The following GPBP1 variants were observed in gnomAD, a reference collection of about 807,000 sequenced individuals.
The protein encoded by GPBP1 is vasculin.
A neutral mutation model predicts 56.5 loss-of-function variants in GPBP1; 13 were observed. The observed-to-expected ratio is 0.23, with a 90% CI of 0.15 to 0.37. The LOEUF (loss-of-function observed/expected upper bound fraction) is 0.37, where lower values mean the gene tolerates loss of function less well. Ranked by LOEUF, GPBP1 falls within the 10% of genes least tolerant of loss-of-function variation. The pLI is 1.00. For synonymous variants in GPBP1, 204 were observed against 188.9 expected (o/e 1.08, Z -0.66); for missense variants, 477 against 572.3 (o/e 0.83, Z 1.70).
intron 2 of GPBP1, among the ~76,000 whole-genome samples, chr5:57,203,571 G>A (rs1755107865): frequency 6.6e-6 from 1 of 152,172 alleles, no homozygotes; most frequent in Admixed American, 6.5e-5. Flanking sequence ...CTTGAACCCA[G>A]GAGTGGGATG....
intron 3 of GPBP1, among the ~76,000 whole-genome samples, chr5:57,224,017 T>C (rs1050683158): frequency 6.6e-6 from 1 of 151,604 alleles, no homozygotes; most frequent in Non-Finnish European, 1.5e-5. Flanking sequence ...GTATTTTTAG[T>C]AGAGACGGGG....
intron 2 of GPBP1, among the ~76,000 whole-genome samples, chr5:57,177,648 CTTTTTTTTTTTTTTT>C (rs58708281): frequency 6.1e-4 from 56 of 92,238 alleles, no homozygotes; most frequent in South Asian, 2.4e-3. Flanking sequence ...CAATTTTTGC[CTTTTTTTTTTTTTTT>C]TTTTTTTTTT....
chr5:57,201,424 C>T (rs1755018534), intron 2 of GPBP1, among the ~76,000 whole-genome samples: 1 of 151,786 alleles, frequency 6.6e-6, no homozygotes, highest in African/African-American at 2.4e-5. Context: ...TTCACTGTGT[C>T]ACCCAGGCTG....
intron 2 of GPBP1, among the ~76,000 whole-genome samples, chr5:57,213,021 C>G (rs1755556351): frequency 6.6e-6 from 1 of 151,820 alleles, no homozygotes; most frequent in African/African-American, 2.4e-5. Flanking sequence ...GATGTATCAT[C>G]AATTTAGTTG....
chr5:57,237,325 C>T lies in GPBP1; in HGVS notation c.478+1293C>T, dbSNP rs1438834012. 3.7e-5 allele frequency: 24 copies of T among 643,004 alleles called. No homozygotes were observed. The Middle Eastern group carries it at 1.2e-3, about 32-fold the overall frequency. 39.8% of individuals were successfully genotyped at this position (643,004 alleles called of 1,614,324 possible). ...TTTAAAAATCAAGAATGCCAGTGAG[C>T]GTTTGTCATATAAAACTATCTATAG... is the stretch of plus-strand genomic sequence containing the variant. On this transcript the variant is annotated intron_variant, in intron 6 of 11. Transcript: ENST00000506184.
intron 3 of GPBP1, 76 bp from the exon 4 acceptor site, chr5:57,230,769 GT>G: frequency 7.8e-7 from 1 of 1,282,016 alleles, no homozygotes. Context: ...TTGGAAATAA[GT>G]GAAGTTGGAG....
chr5:57,186,372 C>T lies in GPBP1; in HGVS notation c.-58+9972C>T, dbSNP rs556718019. On this transcript the variant is annotated intron_variant, in intron 2 of 11. Coordinates refer to ENST00000506184, the MANE Select transcript of GPBP1 (RefSeq NM_022913.4). ...CTGCACTCTGGTCTGGGTGACAGAG[C>T]GGGACCTTGCCTCTTTAAAAAAAAA... Among the ~76,000 whole-genome samples the T allele has an allele frequency of 3.4e-5, 5 of 149,174 alleles. No individual in the cohort carries two copies. The South Asian group carries it at 6.4e-4, about 19-fold the overall frequency.
intron 2 of GPBP1, among the ~76,000 whole-genome samples, chr5:57,188,715 C>T (rs575278115): frequency 5.9e-5 from 9 of 152,198 alleles, no homozygotes; most frequent in Middle Eastern, 3.4e-3. Context: ...TGCACTCCAG[C>T]CTGGGCGACA....
At position 57,246,338 on chromosome 5, in the gene GPBP1, C is replaced by T. The variant is rs755707330; in HGVS notation, c.517C>T (p.Leu173=). 5 of 1,613,462 alleles carry T rather than the reference C, an allele frequency of 3.1e-6. No individual in the cohort carries two copies. In the South Asian group the frequency reaches 5.5e-5, roughly 18 times the overall value. ...PNPKSRAPRM[L]VIKKGNTKDL... ...TCCTAAATCTAGAGCTCCAAGGATG[C>T]TGGTCATTAAGAAAGGTAATACAAA... The change falls in exon 7 of 12, where the codon CTG becomes TTG. Residue 173 remains leucine, a synonymous_variant. Coordinates refer to ENST00000506184, the MANE Select transcript of GPBP1 (RefSeq NM_022913.4).
intron 2 of GPBP1, among the ~76,000 whole-genome samples, chr5:57,211,595 T>TTGA (rs1382446106): frequency 2.0e-5 from 3 of 152,144 alleles, no homozygotes; most frequent in Non-Finnish European, 4.4e-5. Flanking sequence ...GTTGTTGTTG[T>TTGA]TGTTGTTGGA....
At chr5:57,188,473 G>A (rs1451494192) in intron 2 of GPBP1, among the ~76,000 whole-genome samples, 3 of 152,162 alleles carry the variant, frequency 2.0e-5, no homozygotes, top group Non-Finnish European at 4.4e-5. Context: ...GGACATGGAG[G>A]CTCACGCCTG....
intron 3 of GPBP1, among the ~76,000 whole-genome samples, chr5:57,226,431 G>C (rs946207878): frequency 7.2e-5 from 11 of 151,726 alleles, no homozygotes; most frequent in African/African-American, 2.7e-4. Flanking sequence ...CTGTCAGGAA[G>C]ATTAATATGA....
chr5:57,234,276 A>C (rs568407607), intron 5 of GPBP1, among the ~76,000 whole-genome samples: 3 of 152,312 alleles, frequency 2.0e-5, no homozygotes, highest in African/African-American at 7.2e-5. Flanking sequence ...AGAATACTGG[A>C]AATTTAGGAT....
Position 57,187,003 on chromosome 5 carries a change from A to AGTGTGT in GPBP1, c.-58+10634_-58+10639dup, listed in dbSNP as rs66642664. On this transcript the variant is annotated intron_variant, in intron 2 of 11. Transcript: ENST00000506184. ...GTGTGTCTATTTCTGGACTCAGAGAAGTGTGTGTGTGTGTGTGTGTGTGTG... is the reference window on the plus strand; with the variant it reads ...GTGTGTCTATTTCTGGACTCAGAGAAGTGTGTGTGTGTGTGTGTGTGTGTGTGTGTG... Among the ~76,000 whole-genome samples, 1,075 of 146,768 alleles carry AGTGTGT rather than the reference A, an allele frequency of 7.3e-3. 5 individuals are homozygous for AGTGTGT. Among genetic ancestry groups the AGTGTGT allele is most frequent in the African/African-American group, 0.017 (673 of 40,106 alleles).
At chr5:57,237,652 C>A (rs1740600987) in intron 6 of GPBP1, among the ~76,000 whole-genome samples, 1 of 152,078 alleles carries the variant, frequency 6.6e-6, no homozygotes, top group African/African-American at 2.4e-5. Flanking sequence ...ATGAAACTCT[C>A]ATTGTATCAC....
intron 2 of GPBP1, among the ~76,000 whole-genome samples, chr5:57,199,070 G>C (rs930669876): frequency 2.6e-5 from 4 of 152,072 alleles, no homozygotes; most frequent in Admixed American, 2.0e-4. Flanking sequence ...AAACAAAATC[G>C]AAGTACATTT....
intron 3 of GPBP1, among the ~76,000 whole-genome samples, chr5:57,215,623 C>G (rs1460072012): frequency 6.6e-6 from 1 of 152,232 alleles, no homozygotes; most frequent in African/African-American, 2.4e-5. Context: ...TCAGAACTAG[C>G]TGGCCTGTGA....
chr5:57,207,006 A>G (rs1428314169), intron 2 of GPBP1, among the ~76,000 whole-genome samples: 1 of 152,048 alleles, frequency 6.6e-6, no homozygotes, highest in Non-Finnish European at 1.5e-5. Context: ...TGGGAGGATG[A>G]GGTGGTAGGG....
rs982600284 is a variant in GPBP1 at position 57,249,416 on chromosome 5, G to A, written c.812G>A (p.Arg271His). 4 of 1,592,616 alleles carry A rather than the reference G, an allele frequency of 2.5e-6. No individual in the cohort carries two copies. Among genetic ancestry groups the A allele is most frequent in the East Asian group, 4.5e-5 (2 of 44,508 alleles). Residue 271 changes from arginine (R) to histidine (H), a missense_variant, in exon 9 of 12, where the codon CGC becomes CAC. Physicochemically the swap from Arg to His is conservative, Grantham distance 29. Around this residue, in one of 2 missense-constraint regions of GPBP1, gnomAD observed 414 missense variants for 458.2 expected, o/e 0.90. Coordinates refer to ENST00000506184, the MANE Select transcript of GPBP1 (RefSeq NM_022913.4). ...PSTNSVKECN[R>H]SNSSSPVDKL... is the part of the protein sequence containing the mutation. Reference sequence around the variant, plus strand: ...TTCTGAATTTCCTCTTAGTGTAATCGCTCAAATTCCTCTTCTCCTGTTGAC... The same window carrying A: ...TTCTGAATTTCCTCTTAGTGTAATCACTCAAATTCCTCTTCTCCTGTTGAC...
Sources: allele counts gnomAD v4.1 joint callset (sites outside exome capture counted in the v4.1 genomes callset), GRCh38; gene constraint gnomAD v4.1.1; regional missense constraint gnomAD v4.1.1; transcripts MANE v1.5; gene names NCBI Gene and HGNC (gene_info 2026-07-23, HGNC 2026-07-21).